The following NAPB variants were observed in gnomAD, a reference collection of about 807,000 sequenced individuals.
NAPB encodes the protein NSF attachment protein beta.
In NAPB, 26 loss-of-function variants were observed where a neutral mutation model predicts 44.7. The observed-to-expected ratio is 0.58, with a 90% CI of 0.43 to 0.81. The LOEUF (loss-of-function observed/expected upper bound fraction) is 0.81. Among genes scored for constraint, NAPB ranks in the 30% least tolerant of loss-of-function variants. The pLI is 0.00. For synonymous variants in NAPB, 120 were observed against 116.8 expected (o/e 1.03, Z -0.18); for missense variants, 315 against 356.4 (o/e 0.88, Z 0.94).
rs939170677 is a variant in NAPB, at chr20:23,414,565, C to T, written c.98+6740G>A. On this transcript the variant is annotated intron_variant, in intron 1 of 10. Coordinates refer to ENST00000377026, the MANE Select transcript of NAPB (RefSeq NM_022080.3). ...CTAAAACTGGAATTGACAGACAAGT[C>T]CTCACCATGAAAAAATATACCTTAA... 6.6e-5 allele frequency among the ~76,000 whole-genome samples: 10 copies of T among 152,280 alleles called. No homozygotes were observed. In the South Asian group the frequency reaches 1.5e-3, roughly 22 times the overall value.
chr20:23,418,044 C>T (rs1986128334), intron 1 of NAPB, among the ~76,000 whole-genome samples: 1 of 152,192 alleles, frequency 6.6e-6, no homozygotes, highest in Admixed American at 6.5e-5. Context: ...AGGCTTTAAT[C>T]TGCAGATAGA....
chr20:23,403,159 T>G, intron 1 of NAPB, 87 bp from the exon 2 acceptor site: 3 of 890,462 alleles, frequency 3.4e-6, no homozygotes, highest in Non-Finnish European at 5.4e-6. Flanking sequence ...TAGTATATAC[T>G]TGCTATGTGC....
In NAPB at chr20:23,420,578, C is replaced by G. The variant is rs554730023; in HGVS notation, c.98+727G>C. 3.3e-5 allele frequency among the ~76,000 whole-genome samples: 5 copies of G among 152,158 alleles called. No individual in the cohort carries two copies. In the East Asian group the frequency reaches 9.8e-4, roughly 30 times the overall value. ...CCCGCACCCACCCCTCCGGCTCCAC[C>G]CCGGCGCGCCTCACCCGGACCGGTC... On this transcript the variant is annotated intron_variant, in intron 1 of 10. Coordinates refer to ENST00000377026, the MANE Select transcript of NAPB (RefSeq NM_022080.3).
intron 1 of NAPB, among the ~76,000 whole-genome samples, chr20:23,417,790 C>A (rs756273681): frequency 6.6e-6 from 1 of 152,022 alleles, no homozygotes; most frequent in African/African-American, 2.4e-5. Context: ...CTTGTCAGCT[C>A]TTTTCCTGGG....
intron 7 of NAPB, among the ~76,000 whole-genome samples, chr20:23,382,604 G>A (rs1983103208): frequency 6.6e-6 from 1 of 151,000 alleles, no homozygotes; most frequent in African/African-American, 2.4e-5. Flanking sequence ...GAAAAAGGAA[G>A]CCACAGGAAA....
At position 23,387,940 on chromosome 20, in the gene NAPB, G is replaced by T. The variant is rs562016573; in HGVS notation, c.561+2006C>A. 2.0e-5 allele frequency among the ~76,000 whole-genome samples: 3 copies of T among 152,276 alleles called. 1 individual carries two copies. In the East Asian group the frequency reaches 5.8e-4, roughly 29 times the overall value. Reference sequence around the variant, plus strand: ...ACGTTTGCATCAGTAGGATGAATAAGCAGATTGCCCTCCCCAATGTGGGTG... The same window carrying T: ...ACGTTTGCATCAGTAGGATGAATAATCAGATTGCCCTCCCCAATGTGGGTG... On this transcript the variant is annotated intron_variant, in intron 7 of 10. Coordinates refer to ENST00000377026, the MANE Select transcript of NAPB (RefSeq NM_022080.3).
chr20:23,396,222 A>G (rs1438085745), intron 3 of NAPB, among the ~76,000 whole-genome samples: 1 of 152,246 alleles, frequency 6.6e-6, no homozygotes, highest in Non-Finnish European at 1.5e-5. Flanking sequence ...CTCTGAAACC[A>G]GGGATTTTAA....
At chr20:23,396,016 C>A (rs1476296489) in intron 3 of NAPB, among the ~76,000 whole-genome samples, 4 of 152,202 alleles carry the variant, frequency 2.6e-5, no homozygotes, top group African/African-American at 4.8e-5. Context: ...TTTTAAAATA[C>A]AGAATATAAA....
chr20:23,377,270 C>T lies in NAPB; in HGVS notation c.*106G>A. 1.7e-6 allele frequency: 1 copy of T among 590,142 alleles called. No homozygotes were observed. The allele number at this position is 590,142 out of a possible 1,614,324, so 36.6% of individuals were successfully genotyped here. On this transcript the variant is annotated 3_prime_UTR_variant, in exon 11 of 11. Coordinates refer to ENST00000377026, the MANE Select transcript of NAPB (RefSeq NM_022080.3). Reference sequence around the variant, plus strand: ...TAAACAATACACAGGCCGTCTGGCTCATATGCAACAAAATTAAGCCATTAA... The same window carrying T: ...TAAACAATACACAGGCCGTCTGGCTTATATGCAACAAAATTAAGCCATTAA...
rs1412542285 is a variant in NAPB, at chr20:23,375,351, C to T, written c.*2025G>A. 2.6e-5 allele frequency: 4 copies of T among 151,974 alleles called. No homozygotes were observed. The highest frequency in any genetic ancestry group is 1.9e-4 in the East Asian group (1 of 5,180). 9.4% of individuals were successfully genotyped at this position (151,974 alleles called of 1,614,324 possible). On this transcript the variant is annotated 3_prime_UTR_variant, in exon 11 of 11. Transcript: ENST00000377026. ...ATGATGAAAGCTAAACATAATTGCCCGAAAATAAATCATGTAGTTTTTACT... is the reference window on the plus strand; with the variant it reads ...ATGATGAAAGCTAAACATAATTGCCTGAAAATAAATCATGTAGTTTTTACT...
chr20:23,406,200 T>G (rs1042141936), intron 1 of NAPB, among the ~76,000 whole-genome samples: 3 of 152,166 alleles, frequency 2.0e-5, no homozygotes, highest in Non-Finnish European at 4.4e-5. Context: ...AGAAATACAT[T>G]TCTGTTCTTA....
At chr20:23,379,785 T>A in intron 9 of NAPB, 82 bp downstream of exon 9, 1 of 1,062,026 alleles carries the variant, frequency 9.4e-7, no homozygotes, top group South Asian at 1.4e-5. Flanking sequence ...AGATTAAAAC[T>A]TCACTTCATA....
chr20:23,415,636 G>T (rs763488854), intron 1 of NAPB, among the ~76,000 whole-genome samples: 1 of 151,928 alleles, frequency 6.6e-6, no homozygotes, highest in South Asian at 2.1e-4. Flanking sequence ...CTTTTCTACC[G>T]TGTACAGCTA....
At chr20:23,385,131 C>CA (rs1017950067) in intron 7 of NAPB, among the ~76,000 whole-genome samples, 53 of 147,936 alleles carry the variant, frequency 3.6e-4, no homozygotes, top group Non-Finnish European at 6.0e-4. Context: ...AACAAACAAA[C>CA]AAAAAAAAAC....
intron 3 of NAPB, among the ~76,000 whole-genome samples, chr20:23,395,998 G>A (rs778209784): frequency 2.6e-5 from 4 of 152,146 alleles, no homozygotes; most frequent in Non-Finnish European, 4.4e-5. Context: ...GTGGATCCCT[G>A]TTACACCTTT....
rs965118648 is a variant in NAPB, at chr20:23,380,014, G to A, written c.667-79C>T. ...TCAACATTCTATCAGCTTCAAATAA[G>A]ATCTACCTATATCCTATTAAGTGTT... is the stretch of plus-strand genomic sequence containing the variant. On this transcript the variant is annotated intron_variant, in intron 8 of 10. Coordinates refer to ENST00000377026, the MANE Select transcript of NAPB (RefSeq NM_022080.3). 9 of 1,135,016 alleles carry A rather than the reference G, an allele frequency of 7.9e-6. No individual in the cohort carries two copies. In the African/African-American group the frequency reaches 1.1e-4, roughly 14 times the overall value. The allele number at this position is 1,135,016 out of a possible 1,614,324, so 70.3% of individuals were successfully genotyped here.
At chr20:23,382,320 A>C (rs1983076453) in intron 7 of NAPB, among the ~76,000 whole-genome samples, 1 of 111,652 alleles carries the variant, frequency 9.0e-6, no homozygotes, top group African/African-American at 4.7e-5. Flanking sequence ...AGGAATGTCA[A>C]AGAAGGCCAA....
chr20:23,378,546 A>G (rs1254403021), intron 10 of NAPB, among the ~76,000 whole-genome samples: 1 of 150,062 alleles, frequency 6.7e-6, no homozygotes, highest in Non-Finnish European at 1.5e-5. Flanking sequence ...GGTTCAAGAG[A>G]TTCTCCTGCC....
chr20:23,401,813 AG>A (rs1984874219), intron 2 of NAPB, among the ~76,000 whole-genome samples: 1 of 152,222 alleles, frequency 6.6e-6, no homozygotes, highest in Non-Finnish European at 1.5e-5. Context: ...CCCCAGAGGC[AG>A]AGATTGCAGT....
Sources: gnomAD v4.1 joint callset for allele counts (sites outside exome capture counted in the v4.1 genomes callset) on GRCh38, gnomAD v4.1.1 for gene constraint, MANE v1.5 for transcripts, NCBI Gene and HGNC (gene_info 2026-07-23, HGNC 2026-07-21) for gene names.